TENM2: variants seen among roughly 807,000 people sequenced by gnomAD.
TENM2 encodes the protein teneurin transmembrane protein 2, also known as teneurin-2.
Under a neutral mutation model 245.2 loss-of-function variants are expected in TENM2, and 52 were observed. The observed-to-expected ratio is 0.21, with a 90% CI of 0.17 to 0.27. The LOEUF (loss-of-function observed/expected upper bound fraction) is 0.27. TENM2 is among the 10% of genes least tolerant of loss of function. TENM2 has a pLI of 1.00. For missense variants in TENM2, 3,046 were observed against 3,666.8 expected (o/e 0.83, Z 4.37); for synonymous variants, 1,363 against 1,438.9 (o/e 0.95, Z 1.19).
intron 5 of TENM2, among the ~76,000 whole-genome samples, chr5:168,027,256 T>C (rs537612024): frequency 1.3e-5 from 2 of 152,124 alleles, no homozygotes; most frequent in African/African-American, 4.8e-5. Flanking sequence ...AACTCTGAGA[T>C]CATTGGCACT....
chr5:167,144,883 AGAT>A, the TENM2 span, among the ~76,000 whole-genome samples: 1 of 152,234 alleles, frequency 6.6e-6, no homozygotes, highest in South Asian at 2.1e-4. Context: ...TACAAGTACA[AGAT>A]GAGTCTATGG....
chr5:167,023,554 A>C, the TENM2 span, among the ~76,000 whole-genome samples: 2 of 152,232 alleles, frequency 1.3e-5, no homozygotes, highest in African/African-American at 4.8e-5. Context: ...AAATGCATCT[A>C]ATAAAAATGT....
At chr5:168,132,107 T>G (rs1754636912) in intron 12 of TENM2, among the ~76,000 whole-genome samples, 1 of 152,088 alleles carries the variant, frequency 6.6e-6, no homozygotes, top group Admixed American at 6.6e-5. Context: ...AAGTTCTTTT[T>G]GAGTCTGGGT....
chr5:167,552,721 G>A (rs985880525), intron 2 of TENM2, among the ~76,000 whole-genome samples: 1 of 152,252 alleles, frequency 6.6e-6, no homozygotes, highest in African/African-American at 2.4e-5. Context: ...GGTGTGTTGC[G>A]TATATGACTG....
At chr5:168,004,689 C>T (rs1356857335) in intron 5 of TENM2, among the ~76,000 whole-genome samples, 1 of 152,108 alleles carries the variant, frequency 6.6e-6, no homozygotes, top group Non-Finnish European at 1.5e-5. Flanking sequence ...GTCCTGCTTC[C>T]AAAGATTTAA....
At chr5:167,580,061 C>T (rs1209340786) in intron 2 of TENM2, among the ~76,000 whole-genome samples, 1 of 152,166 alleles carries the variant, frequency 6.6e-6, no homozygotes, top group South Asian at 2.1e-4. Flanking sequence ...TTTCTCTTAA[C>T]TGGACAGAAT....
chr5:167,017,283 A>G, the TENM2 span, among the ~76,000 whole-genome samples: 1 of 152,214 alleles, frequency 6.6e-6, no homozygotes, highest in African/African-American at 2.4e-5. Flanking sequence ...GCCTTTTGTG[A>G]TGAATATCAG....
intron 5 of TENM2, among the ~76,000 whole-genome samples, chr5:168,015,406 C>T (rs1007547504): frequency 6.6e-6 from 1 of 152,170 alleles, no homozygotes; most frequent in African/African-American, 2.4e-5. Flanking sequence ...GCCCAGTACC[C>T]GGGTAGCCAG....
At position 168,173,542 on chromosome 5, in the gene TENM2, A is replaced by C. The variant is rs569946874; in HGVS notation, c.2569+10785A>C. 7.9e-5 allele frequency among the ~76,000 whole-genome samples: 12 copies of C among 151,862 alleles called. No individual in the cohort carries two copies. The East Asian group carries it at 2.3e-3, about 29-fold the overall frequency. On this transcript the variant is annotated intron_variant, in intron 13 of 28. Transcript: ENST00000518659. Reference sequence around the variant, plus strand: ...TCTTCCTAGTTGCAACCCTGCTCAGACCTCTTGTCATTGATGGCAATGACA... The same window carrying C: ...TCTTCCTAGTTGCAACCCTGCTCAGCCCTCTTGTCATTGATGGCAATGACA...
rs58985992 is a variant in TENM2, at chr5:167,640,860, CAT to C, written c.503-235081_503-235080del. Among the ~76,000 whole-genome samples the C allele has an allele frequency of 6.6e-3, 310 of 47,218 alleles. 2 individuals carry two copies. The highest frequency in any genetic ancestry group is 0.031 in the Middle Eastern group (2 of 64). 31.0% of individuals were successfully genotyped at this position (47,218 alleles called of 152,430 possible). On this transcript the variant is annotated intron_variant, in intron 2 of 28. Coordinates refer to ENST00000518659, the Ensembl canonical transcript of TENM2. ...ATATATCCATATATATATATATATC[CAT>C]ATATATATATATATATATATATATA... is the stretch of plus-strand genomic sequence containing the variant.
the TENM2 span, among the ~76,000 whole-genome samples, chr5:167,173,116 A>G: frequency 6.6e-6 from 1 of 152,324 alleles, no homozygotes; most frequent in East Asian, 1.9e-4. Flanking sequence ...ATTCCAAAGC[A>G]TGAATAGTTA....
At chr5:167,439,320 C>T (rs1471331103) in intron 2 of TENM2, among the ~76,000 whole-genome samples, 2 of 152,174 alleles carry the variant, frequency 1.3e-5, no homozygotes, top group South Asian at 2.1e-4. Context: ...TGCAGAGATG[C>T]TCAACCTTTT....
intron 2 of TENM2, among the ~76,000 whole-genome samples, chr5:167,453,332 A>G (rs568403823): frequency 2.0e-4 from 31 of 152,274 alleles, no homozygotes; most frequent in Admixed American, 1.2e-3. Context: ...AAGAAAACAC[A>G]TCTTCCACCA....
chr5:168,201,982 A>AT (rs1406326717), intron 17 of TENM2, among the ~76,000 whole-genome samples: 2 of 152,022 alleles, frequency 1.3e-5, no homozygotes, highest in African/African-American at 2.4e-5. Flanking sequence ...TTCAGGTTTG[A>AT]TTTTTTGATT....
intron 12 of TENM2, chr5:168,128,718 T>C (rs1478220064): frequency 1.3e-5 from 2 of 152,276 alleles, no homozygotes; most frequent in African/African-American, 2.4e-5. Context: ...CTGCCTGTTT[T>C]TCCATGGCTT....
chr5:167,203,763 A>T, the TENM2 span, among the ~76,000 whole-genome samples: 128 of 152,030 alleles, frequency 8.4e-4, no homozygotes, highest in African/African-American at 1.4e-3. Context: ...CTATTTTCAA[A>T]TTTTTTTTAT....
At chr5:168,019,468 G>A (rs985554344) in intron 5 of TENM2, among the ~76,000 whole-genome samples, 1 of 152,202 alleles carries the variant, frequency 6.6e-6, no homozygotes, top group African/African-American at 2.4e-5. Context: ...GAGGAGACAT[G>A]AGGGAGACAT....
chr5:168,154,147 TAA>T (rs70976465), intron 12 of TENM2, among the ~76,000 whole-genome samples: 936 of 85,062 alleles, frequency 0.011, 29 homozygotes, highest in African/African-American at 0.033. Context: ...TCACCTACTT[TAA>T]AAAAAAAAAA....
intron 6 of TENM2, among the ~76,000 whole-genome samples, chr5:168,049,357 G>T (rs1227728032): frequency 2.6e-5 from 4 of 152,322 alleles, no homozygotes; most frequent in East Asian, 1.9e-4. Context: ...CCCTTCAGAA[G>T]AATGCATAAC....
Sources: gnomAD v4.1 joint callset for allele counts (sites outside exome capture counted in the v4.1 genomes callset) on GRCh38, gnomAD v4.1.1 for gene constraint, MANE v1.5 for transcripts, NCBI Gene and HGNC (gene_info 2026-07-23, HGNC 2026-07-21) for gene names.